SAMSN1: variants seen among roughly 807,000 people sequenced by gnomAD.
SAMSN1 encodes the protein SAM domain, SH3 domain and nuclear localization signals 1.
A neutral mutation model predicts 42.0 loss-of-function variants in SAMSN1; 31 were observed. The ratio of observed to expected loss-of-function variants is 0.74; its 90% CI spans 0.55 to 1.00. SAMSN1 has a LOEUF of 1.00. Among genes scored for constraint, SAMSN1 ranks in the 50% least tolerant of loss-of-function variants. SAMSN1 has a pLI of 0.00. For synonymous variants in SAMSN1, 178 were observed against 151.9 expected (o/e 1.17, Z -1.26); for missense variants, 464 against 439.4 (o/e 1.06, Z -0.50).
chr21:14,526,908 A>T (rs1338080519), intron 1 of SAMSN1, among the ~76,000 whole-genome samples: 1 of 152,120 alleles, frequency 6.6e-6, no homozygotes, highest in African/African-American at 2.4e-5. Context: ...GAAGAACTTG[A>T]CCCTCATTTT....
intron 1 of SAMSN1, among the ~76,000 whole-genome samples, chr21:14,545,215 T>C (rs1392283670): frequency 1.3e-5 from 2 of 152,170 alleles, no homozygotes; most frequent in Non-Finnish European, 2.9e-5. Flanking sequence ...GATGGTAACT[T>C]CCAAAGAGTT....
intron 2 of SAMSN1, among the ~76,000 whole-genome samples, chr21:14,560,857 T>C (rs1980924891): frequency 6.6e-6 from 1 of 152,238 alleles, no homozygotes; most frequent in South Asian, 2.1e-4. Context: ...TTTCCAAGGC[T>C]GCCATAACGA....
intron 2 of SAMSN1, among the ~76,000 whole-genome samples, chr21:14,616,580 G>T (rs995136838): frequency 6.6e-6 from 1 of 152,164 alleles, no homozygotes; most frequent in Non-Finnish European, 1.5e-5. Flanking sequence ...TTTGGGGAAA[G>T]AATTTGTCAC....
At chr21:14,633,210 T>TAC (rs750616431) in intron 2 of SAMSN1, among the ~76,000 whole-genome samples, 3 of 151,228 alleles carry the variant, frequency 2.0e-5, no homozygotes, top group Non-Finnish European at 4.4e-5. Flanking sequence ...CACACACACA[T>TAC]ACACACACAC....
chr21:14,566,897 G>A lies in SAMSN1; in HGVS notation c.261+15239C>T, dbSNP rs150558953. Among the ~76,000 whole-genome samples the A allele has an allele frequency of 2.6e-3, 395 of 152,124 alleles. 3 individuals carry two copies. The highest frequency in any genetic ancestry group is 8.9e-3 in the African/African-American group (370 of 41,500). ...ATCCAGTACAAAGAAACACACACAT[G>A]CACACCACCTAGAGACCTATTGTCA... On this transcript the variant is annotated intron_variant, in intron 2 of 8. Coordinates refer to the SAMSN1 transcript ENST00000285670.
At chr21:14,527,147 G>T (rs148961813) in intron 1 of SAMSN1, among the ~76,000 whole-genome samples, 2 of 152,144 alleles carry the variant, frequency 1.3e-5, no homozygotes, top group Non-Finnish European at 2.9e-5. Flanking sequence ...CACAAAGAAC[G>T]TTGGTTAGTA....
chr21:14,618,793 C>A (rs7282660), intron 2 of SAMSN1, among the ~76,000 whole-genome samples: 3,748 of 152,022 alleles, frequency 0.025, 154 homozygotes, highest in African/African-American at 0.085. Flanking sequence ...AATGTCTAGT[C>A]CTTTAATTTG....
intron 7 of SAMSN1, among the ~76,000 whole-genome samples, chr21:14,490,402 T>C (rs1406745835): frequency 6.6e-6 from 1 of 152,158 alleles, no homozygotes; most frequent in East Asian, 1.9e-4. Flanking sequence ...ATACACATCT[T>C]AGGATGACTC....
upstream of SAMSN1, among the ~76,000 whole-genome samples, chr21:14,550,650 A>G (rs531007482): frequency 2.6e-5 from 4 of 152,224 alleles, no homozygotes; most frequent in East Asian, 3.9e-4. Flanking sequence ...GTTCCCATAC[A>G]TTCAACTAAC....
chr21:14,583,851 T>A (rs892832467), upstream of SAMSN1: 5 of 647,178 alleles, frequency 7.7e-6, no homozygotes, highest in East Asian at 2.8e-5. Flanking sequence ...GTTGAGATCA[T>A]AAATGTGGAA....
intron 2 of SAMSN1, among the ~76,000 whole-genome samples, chr21:14,622,485 C>G (rs889332147): frequency 1.3e-5 from 2 of 152,150 alleles, no homozygotes; most frequent in Non-Finnish European, 2.9e-5. Flanking sequence ...CCACAAGTTT[C>G]AGTAGCCAAT....
chr21:14,640,699 T>C (rs1330721151), intron 2 of SAMSN1, among the ~76,000 whole-genome samples: 1 of 152,134 alleles, frequency 6.6e-6, no homozygotes, highest in African/African-American at 2.4e-5. Context: ...ATCTAAGCTG[T>C]GAAATAATTT....
intron 2 of SAMSN1, among the ~76,000 whole-genome samples, chr21:14,570,609 GA>G: frequency 6.6e-6 from 1 of 152,194 alleles, no homozygotes; most frequent in East Asian, 1.9e-4. Context: ...GATGACTTTT[GA>G]AACTGACATT....
chr21:14,589,293 A>G (rs1057170720), intron 7 of SAMSN1, among the ~76,000 whole-genome samples: 5 of 152,134 alleles, frequency 3.3e-5, no homozygotes, highest in African/African-American at 1.2e-4. Flanking sequence ...TCAAGGAAAG[A>G]TAATTTATTA....
chr21:14,546,145 A>ATG, intron 1 of SAMSN1, 60 bp downstream of exon 1: 2 of 1,393,402 alleles, frequency 1.4e-6, no homozygotes, highest in Non-Finnish European at 2.0e-6. Context: ...AAACACACAT[A>ATG]TGTGTTTATT....
intron 1 of SAMSN1, among the ~76,000 whole-genome samples, chr21:14,645,971 C>A (rs1983705085): frequency 1.3e-5 from 2 of 150,834 alleles, no homozygotes; most frequent in African/African-American, 2.4e-5. Flanking sequence ...TCAGAGGAGA[C>A]AAAAGAAAAA....
chr21:14,651,741 C>T (rs1313057407), intron 1 of SAMSN1, among the ~76,000 whole-genome samples: 2 of 151,986 alleles, frequency 1.3e-5, no homozygotes, highest in Admixed American at 6.6e-5. Context: ...CAAATTATAC[C>T]TGTTTGCAGA....
At chr21:14,524,000 C>T (rs1348696138) in intron 1 of SAMSN1, among the ~76,000 whole-genome samples, 1 of 152,148 alleles carries the variant, frequency 6.6e-6, no homozygotes, top group African/African-American at 2.4e-5. Context: ...CATGTTAAGA[C>T]ACCCTTAAGA....
At chr21:14,620,181 A>AAGATAGTC (rs1982964071) in intron 2 of SAMSN1, among the ~76,000 whole-genome samples, 1 of 152,148 alleles carries the variant, frequency 6.6e-6, no homozygotes, top group African/African-American at 2.4e-5. Flanking sequence ...CCTTCACTTC[A>AAGATAGTC]AGATAGTCAA....
Sources: gnomAD v4.1 joint callset for allele counts (sites outside exome capture counted in the v4.1 genomes callset) on GRCh38, gnomAD v4.1.1 for gene constraint, MANE v1.5 for transcripts, NCBI Gene and HGNC (gene_info 2026-07-23, HGNC 2026-07-21) for gene names.